XPO4: variants seen among roughly 807,000 people sequenced by gnomAD.
XPO4 encodes exportin-4.
In XPO4, 39 loss-of-function variants were observed where a neutral mutation model predicts 143.0. That is an observed-to-expected ratio of 0.27 (90% CI 0.21 to 0.36). The LOEUF (loss-of-function observed/expected upper bound fraction) is 0.36. Ranked by LOEUF, XPO4 falls within the 10% of genes least tolerant of loss-of-function variation. The probability of loss-of-function intolerance (pLI) is 1.00; values close to 1 mark genes in which losing one functional copy is unlikely to be tolerated. For synonymous variants in XPO4, 439 were observed against 474.0 expected (o/e 0.93, Z 0.96); for missense variants, 907 against 1,348.0 (o/e 0.67, Z 5.12).
chr13:20,899,507 T>C (rs1222991630), intron 1 of XPO4, among the ~76,000 whole-genome samples: 1 of 152,168 alleles, frequency 6.6e-6, no homozygotes, highest in Non-Finnish European at 1.5e-5. Context: ...GGAGAATGCT[T>C]AGACTTGATT....
chr13:20,844,417 G>C lies in XPO4; in HGVS notation c.457-531C>G, dbSNP rs7323024. Among the ~76,000 whole-genome samples, 654 of 152,168 alleles carry C rather than the reference G, an allele frequency of 4.3e-3. 7 individuals are homozygous for C. Among genetic ancestry groups the C allele is most frequent in the African/African-American group, 0.015 (626 of 41,518 alleles). The stretch of plus-strand genomic sequence containing the variant: ...GTAATACCCAAAAGTTTTTTAAATA[G>C]AAAAATGAAGATTTTTCTTCTCATT... On this transcript the variant is annotated intron_variant, in intron 4 of 22. Coordinates refer to ENST00000255305, the MANE Select transcript of XPO4 (RefSeq NM_022459.5).
Position 20,787,355 on chromosome 13 carries a change from C to G in XPO4, c.3165+126G>C. 3.4e-6 allele frequency: 3 copies of G among 880,012 alleles called. No individual in the cohort carries two copies. The East Asian group carries it at 7.4e-5, about 22-fold the overall frequency. 54.5% of individuals were successfully genotyped at this position (880,012 alleles called of 1,614,324 possible). On this transcript the variant is annotated intron_variant, in intron 21 of 22. Coordinates refer to ENST00000255305, the MANE Select transcript of XPO4 (RefSeq NM_022459.5). ...CTGATCTCCAGAAAAAAACAGTGAA[C>G]AGGAAGTCATGGTTTCCTTGCCCCC...
chr13:20,831,923 C>T (rs1460475871), intron 6 of XPO4, among the ~76,000 whole-genome samples: 1 of 150,074 alleles, frequency 6.7e-6, no homozygotes, highest in Admixed American at 6.7e-5. Flanking sequence ...ATCTTCTAAG[C>T]TCATTGCCAT....
chr13:20,797,934 G>C (rs12875470), intron 16 of XPO4, among the ~76,000 whole-genome samples: 5,604 of 152,200 alleles, frequency 0.037, 228 homozygotes, highest in African/African-American at 0.096. Context: ...CGGATCACTT[G>C]AGGTCAGGAG....
At chr13:20,873,560 C>T (rs1162975585) in intron 1 of XPO4, among the ~76,000 whole-genome samples, 2 of 152,176 alleles carry the variant, frequency 1.3e-5, no homozygotes, top group Non-Finnish European at 2.9e-5. Context: ...ATTTTGGCTT[C>T]TTCCTCTATC....
chr13:20,812,287 C>T (rs1332461603), intron 9 of XPO4, among the ~76,000 whole-genome samples: 1 of 152,110 alleles, frequency 6.6e-6, no homozygotes, highest in African/African-American at 2.4e-5. Context: ...AGGAGAATCA[C>T]TTGAACCTGG....
intron 4 of XPO4, among the ~76,000 whole-genome samples, chr13:20,847,369 G>C (rs1002202273): frequency 6.6e-6 from 1 of 152,046 alleles, no homozygotes; most frequent in African/African-American, 2.4e-5. Context: ...TCACATTGTG[G>C]GTTGTAATGA....
At chr13:20,891,766 G>A (rs564622428) in intron 1 of XPO4, among the ~76,000 whole-genome samples, 1 of 151,814 alleles carries the variant, frequency 6.6e-6, no homozygotes, top group African/African-American at 2.4e-5. Context: ...GGGAGGCTGA[G>A]GCAGGAGAAT....
intron 9 of XPO4, among the ~76,000 whole-genome samples, chr13:20,810,764 G>T (rs1386314289): frequency 6.6e-6 from 1 of 152,196 alleles, no homozygotes; most frequent in Non-Finnish European, 1.5e-5. Flanking sequence ...AACTAGACCT[G>T]TATGAGATCC....
intron 4 of XPO4, among the ~76,000 whole-genome samples, chr13:20,844,788 T>C (rs545372447): frequency 1.3e-5 from 2 of 152,310 alleles, no homozygotes; most frequent in African/African-American, 2.4e-5. Flanking sequence ...GCAGGAAATA[T>C]CTGTTGAAGG....
At position 20,784,418 on chromosome 13, in the gene XPO4, C is replaced by G. The variant is rs75972874; in HGVS notation, c.3259-499G>C. Among the ~76,000 whole-genome samples the G allele has an allele frequency of 4.7e-3, 720 of 152,252 alleles. 6 individuals are homozygous for G. Among genetic ancestry groups the G allele is most frequent in the African/African-American group, 0.015 (644 of 41,552 alleles). On this transcript the variant is annotated intron_variant, in intron 22 of 22. Transcript: ENST00000255305. ...GCAGGAGTCTTTTGGGAGGACGGGG[C>G]GGAGAAATATATTCCAGTGCCTTCT...
At chr13:20,878,322 C>T (rs2060373603) in intron 1 of XPO4, among the ~76,000 whole-genome samples, 1 of 152,146 alleles carries the variant, frequency 6.6e-6, no homozygotes, top group African/African-American at 2.4e-5. Context: ...TCCACTTCTA[C>T]CACCTTCTAG....
chr13:20,900,282 G>A (rs1336405918), intron 1 of XPO4, among the ~76,000 whole-genome samples: 1 of 152,060 alleles, frequency 6.6e-6, no homozygotes, highest in African/African-American at 2.4e-5. Context: ...TACTCGGGAG[G>A]CTGAGGCAGG....
rs542954391 is a variant in XPO4, at chr13:20,890,653, C to G, written c.69+12017G>C. On this transcript the variant is annotated intron_variant, in intron 1 of 22. Transcript: ENST00000255305. Reference sequence around the variant, plus strand: ...GTCTCTACTAAAATACAAAAATTAGCTGGGTATGGTTGGTGTCTGTCTGTA... The same window carrying G: ...GTCTCTACTAAAATACAAAAATTAGGTGGGTATGGTTGGTGTCTGTCTGTA... 1.5e-3 allele frequency among the ~76,000 whole-genome samples: 232 copies of G among 151,548 alleles called. 1 individual carries two copies. The highest frequency in any genetic ancestry group is 0.014 in the Middle Eastern group (4 of 292).
At chr13:20,873,947 A>G (rs2060328088) in intron 1 of XPO4, among the ~76,000 whole-genome samples, 1 of 152,226 alleles carries the variant, frequency 6.6e-6, no homozygotes, top group South Asian at 2.1e-4. Flanking sequence ...TTTAATCCCC[A>G]AAACATCTCT....
At position 20,861,963 on chromosome 13, in the gene XPO4, A is replaced by AT. The variant is rs1386923563; in HGVS notation, c.317+753dup. On this transcript the variant is annotated intron_variant, in intron 3 of 22. Coordinates refer to ENST00000255305, the MANE Select transcript of XPO4 (RefSeq NM_022459.5). ...GCCACCACACCCAGCTAATTTTTGT[A>AT]TTTTTAGTAGAGATGGCGTTTCCGC... Among the ~76,000 whole-genome samples, 4 of 151,570 alleles carry AT rather than the reference A, an allele frequency of 2.6e-5. No homozygotes were observed. The East Asian group carries it at 7.8e-4, about 30-fold the overall frequency.
intron 4 of XPO4, among the ~76,000 whole-genome samples, chr13:20,850,519 C>T (rs887032704): frequency 6.6e-6 from 1 of 152,114 alleles, no homozygotes; most frequent in Non-Finnish European, 1.5e-5. Flanking sequence ...GTGGCTCACA[C>T]CTATAAGGCT....
At chr13:20,855,063 C>A (rs964013643) in intron 4 of XPO4, among the ~76,000 whole-genome samples, 1 of 151,966 alleles carries the variant, frequency 6.6e-6, no homozygotes, top group African/African-American at 2.4e-5. Flanking sequence ...TATTTTATAA[C>A]AATTAAAATA....
chr13:20,795,844 G>A (rs1595061566), intron 18 of XPO4, among the ~76,000 whole-genome samples: 1 of 152,108 alleles, frequency 6.6e-6, no homozygotes, highest in Non-Finnish European at 1.5e-5. Context: ...AACAGTGCAT[G>A]GCATTTAGTA....
Sources: gnomAD v4.1 joint callset for allele counts (sites outside exome capture counted in the v4.1 genomes callset) on GRCh38, gnomAD v4.1.1 for gene constraint, MANE v1.5 for transcripts, NCBI Gene and HGNC (gene_info 2026-07-23, HGNC 2026-07-21) for gene names.